Variants in PAK5 observed in about 807,000 individuals in gnomAD.
PAK5 encodes serine/threonine-protein kinase PAK 5.
A neutral mutation model predicts 65.9 loss-of-function variants in PAK5; 16 were observed. That is an observed-to-expected ratio of 0.24 (90% CI 0.16 to 0.37). The LOEUF (loss-of-function observed/expected upper bound fraction) is 0.37. PAK5 is among the 10% of genes least tolerant of loss of function. The pLI is 1.00. For synonymous variants in PAK5, 371 were observed against 354.9 expected, an observed-to-expected ratio of 1.05 and a Z score of -0.51; for missense variants, 785 against 903.9, an observed-to-expected ratio of 0.87 and a Z score of 1.69.
chr20:9,570,094 G>GT (rs1192293303), intron 4 of PAK5, among the ~76,000 whole-genome samples: 1 of 151,990 alleles, frequency 6.6e-6, no homozygotes, highest in African/African-American at 2.4e-5. Context: ...TTCCTTATCC[G>GT]TAAAATGGAA....
At chr20:9,593,020 C>A (rs763191638) in intron 3 of PAK5, among the ~76,000 whole-genome samples, 1 of 152,112 alleles carries the variant, frequency 6.6e-6, no homozygotes, top group Admixed American at 6.5e-5. Flanking sequence ...GTTGGCAGGG[C>A]TGGGCACGGT....
At chr20:9,769,439 TC>T (rs2048809053) in intron 1 of PAK5, among the ~76,000 whole-genome samples, 1 of 152,254 alleles carries the variant, frequency 6.6e-6, no homozygotes. Flanking sequence ...CCTTTAGCTA[TC>T]CATGCTAAAA....
At chr20:9,824,679 C>A (rs1246527765) in intron 1 of PAK5, among the ~76,000 whole-genome samples, 1 of 152,112 alleles carries the variant, frequency 6.6e-6, no homozygotes, top group African/African-American at 2.4e-5. Flanking sequence ...CCTATTCTGA[C>A]CATCCTATTT....
At chr20:9,635,938 G>A (rs1347891740) in intron 3 of PAK5, among the ~76,000 whole-genome samples, 4 of 152,176 alleles carry the variant, frequency 2.6e-5, no homozygotes, top group African/African-American at 9.7e-5. Context: ...TCAGCTAGGA[G>A]CATGGCAAAC....
intron 1 of PAK5, among the ~76,000 whole-genome samples, chr20:9,765,786 C>T (rs545849390): frequency 1.3e-5 from 2 of 152,178 alleles, no homozygotes; most frequent in Admixed American, 1.3e-4. Context: ...CCTAATGTTG[C>T]CCAAGAAGAC....
chr20:9,647,463 C>A (rs2047149054), intron 2 of PAK5, among the ~76,000 whole-genome samples: 1 of 152,148 alleles, frequency 6.6e-6, no homozygotes, highest in Non-Finnish European at 1.5e-5. Flanking sequence ...CATACCTGAA[C>A]AAGCACTGAA....
rs2045965259 is a variant in PAK5 at position 9,580,754 on chromosome 20, G to T, written c.381C>A (p.Thr127=). ...PGHAEENGFI[T]FSQYSSESDT... ...CGGATTCGCTGGAATACTGGGAGAA[G>T]GTGATGAAGCCATTTTCTTCCGCGT... The change falls in exon 4 of 10, where the codon ACC becomes ACA. Residue 127 remains threonine (T), a synonymous_variant. Transcript: ENST00000353224. The T allele has an allele frequency of 6.2e-7, 1 of 1,613,918 alleles. No individual in the cohort carries two copies. Among genetic ancestry groups the T allele is most frequent in the African/African-American group, 1.3e-5 (1 of 74,874 alleles).
intron 1 of PAK5, among the ~76,000 whole-genome samples, chr20:9,732,954 C>G (rs1272246880): frequency 6.6e-6 from 1 of 152,200 alleles, no homozygotes; most frequent in African/African-American, 2.4e-5. Flanking sequence ...ACATCAACTT[C>G]TCTCTCTTAC....
At chr20:9,623,730 C>T (rs147021018) in intron 3 of PAK5, among the ~76,000 whole-genome samples, 179 of 152,242 alleles carry the variant, frequency 1.2e-3, no homozygotes, top group African/African-American at 4.2e-3. Flanking sequence ...CAAGAATTCT[C>T]GCAAAACAAC....
At position 9,634,596 on chromosome 20, in the gene PAK5, G is replaced by A. The variant is rs151330489; in HGVS notation, c.204+9529C>T. ...GGGAAAGATGGTGTGTTGACATGGT[G>A]CACATCAAAAAATAACCACATTAAT... On this transcript the variant is annotated intron_variant, in intron 3 of 9. Coordinates refer to ENST00000353224, the MANE Select transcript of PAK5 (RefSeq NM_177990.4). 6.1e-3 allele frequency among the ~76,000 whole-genome samples: 934 copies of A among 152,240 alleles called. 8 individuals carry two copies. The highest frequency in any genetic ancestry group is 0.02 in the African/African-American group (842 of 41,536).
At chr20:9,780,500 T>A (rs546879537) in intron 1 of PAK5, among the ~76,000 whole-genome samples, 15 of 152,204 alleles carry the variant, frequency 9.9e-5, no homozygotes, top group Middle Eastern at 3.4e-3. Flanking sequence ...ACCATGCACA[T>A]CATCATCCCA....
chr20:9,683,145 TCA>T (rs1177374569), intron 2 of PAK5, among the ~76,000 whole-genome samples: 2 of 152,196 alleles, frequency 1.3e-5, no homozygotes, highest in African/African-American at 4.8e-5. Flanking sequence ...GTTCAAATAT[TCA>T]CACACACTCC....
intron 3 of PAK5, among the ~76,000 whole-genome samples, chr20:9,618,403 CT>C (rs58376139): frequency 0.019 from 2,513 of 129,750 alleles, 25 homozygotes; most frequent in African/African-American, 0.064. Flanking sequence ...CGGCCTGGAA[CT>C]TTTTTTTTTT....
At chr20:9,665,906 G>A (rs541037743) in intron 2 of PAK5, among the ~76,000 whole-genome samples, 85 of 152,160 alleles carry the variant, frequency 5.6e-4, no homozygotes, top group African/African-American at 2.0e-3. Context: ...ATATCTTAAG[G>A]ATGGCAGAGC....
At chr20:9,657,593 A>G (rs956414040) in intron 2 of PAK5, among the ~76,000 whole-genome samples, 1 of 152,236 alleles carries the variant, frequency 6.6e-6, no homozygotes, top group African/African-American at 2.4e-5. Context: ...GTTTCAAAAT[A>G]TGACTACTGG....
chr20:9,690,321 T>A (rs1278129493), intron 2 of PAK5, among the ~76,000 whole-genome samples: 1 of 152,196 alleles, frequency 6.6e-6, no homozygotes, highest in African/African-American at 2.4e-5. Flanking sequence ...TAGCTTTTGA[T>A]GAAAATCAGC....
intron 1 of PAK5, among the ~76,000 whole-genome samples, chr20:9,830,229 C>G (rs550103383): frequency 4.6e-5 from 7 of 152,214 alleles, no homozygotes; most frequent in Non-Finnish European, 1.0e-4. Context: ...GTTTTAAGCA[C>G]AAGTGAAGAA....
intron 1 of PAK5, among the ~76,000 whole-genome samples, chr20:9,717,277 T>A (rs2048159393): frequency 6.6e-6 from 1 of 152,176 alleles, no homozygotes; most frequent in African/African-American, 2.4e-5. Context: ...TGGCTCCACC[T>A]TTTACTAGCT....
rs2045211444 is a variant in PAK5 at position 9,538,847 on chromosome 20, G to C, written c.*615C>G. 4.3e-6 allele frequency: 1 copy of C among 233,116 alleles called. No homozygotes were observed. The highest frequency in any genetic ancestry group is 1.8e-4 in the South Asian group (1 of 5,524). 14.4% of individuals were successfully genotyped at this position (233,116 alleles called of 1,614,324 possible). On this transcript the variant is annotated 3_prime_UTR_variant, in exon 10 of 10. Transcript: ENST00000353224. ...TTTTACTAAAGCTGACGGTGATTGA[G>C]AGTCATTCAGTATTCAAAGTTCCTA... is the stretch of plus-strand genomic sequence containing the variant.
Sources: gnomAD v4.1 joint callset for allele counts (sites outside exome capture counted in the v4.1 genomes callset) on GRCh38, gnomAD v4.1.1 for gene constraint, MANE v1.5 for transcripts, NCBI Gene and HGNC (gene_info 2026-07-23, HGNC 2026-07-21) for gene names.